HELQ: variants seen among roughly 807,000 people sequenced by gnomAD.
HELQ encodes the protein helicase, POLQ like.
A neutral mutation model predicts 111.6 loss-of-function variants in HELQ; 77 were observed. The ratio of observed to expected loss-of-function variants is 0.69; its 90% CI spans 0.57 to 0.83. The LOEUF is 0.83. Among genes scored for constraint, HELQ ranks in the 40% least tolerant of loss-of-function variants. The probability of loss-of-function intolerance (pLI) is 0.00; values close to 1 mark genes in which losing one functional copy is unlikely to be tolerated. For missense variants in HELQ, 1,200 were observed against 1,288.5 expected (o/e 0.93, Z 1.05); for synonymous variants, 438 against 454.7 (o/e 0.96, Z 0.47).
intron 1 of HELQ, among the ~76,000 whole-genome samples, chr4:83,454,572 G>C (rs1036955478): frequency 2.6e-5 from 4 of 151,220 alleles, no homozygotes; most frequent in African/African-American, 9.8e-5. Context: ...ACCACACCCG[G>C]CTAATTAAGA....
intron 11 of HELQ, among the ~76,000 whole-genome samples, chr4:83,430,653 C>T (rs758172709): frequency 1.8e-4 from 27 of 152,032 alleles, no homozygotes; most frequent in Admixed American, 6.5e-4. Context: ...AAATTTAAGT[C>T]GTAATTTCAT....
intron 5 of HELQ, among the ~76,000 whole-genome samples, chr4:83,445,010 A>ATG: frequency 1.3e-5 from 2 of 152,202 alleles, no homozygotes; most frequent in African/African-American, 4.8e-5. Flanking sequence ...TACTGAACTA[A>ATG]AGACTTAGTG....
chr4:83,430,919 C>T (rs1162342922), intron 11 of HELQ, among the ~76,000 whole-genome samples: 1 of 151,930 alleles, frequency 6.6e-6, no homozygotes, highest in South Asian at 2.1e-4. Flanking sequence ...TTACTTGATC[C>T]CTCTATCTAC....
At chr4:83,434,272 G>C (rs1720326515) in intron 9 of HELQ, among the ~76,000 whole-genome samples, 1 of 152,012 alleles carries the variant, frequency 6.6e-6, no homozygotes, top group Non-Finnish European at 1.5e-5. Flanking sequence ...TTGGGAGGCT[G>C]AGGCAGGAGA....
intron 13 of HELQ, 113 bp downstream of exon 13, chr4:83,427,450 T>C: frequency 1.2e-6 from 1 of 824,376 alleles, no homozygotes; most frequent in Non-Finnish European, 1.8e-6. Context: ...AGCCTAGGAG[T>C]TTGAGACCAG....
At chr4:83,415,128 C>T (rs7660537) in intron 17 of HELQ, among the ~76,000 whole-genome samples, 14,289 of 152,118 alleles carry the variant, frequency 0.094, 2,232 homozygotes, top group African/African-American at 0.33. Flanking sequence ...GACTTAGAAC[C>T]ACAGTTGAGA....
chr4:83,407,680 T>C (rs1553925000), intron 17 of HELQ, 120 bp from the exon 18 acceptor site: 3 of 633,476 alleles, frequency 4.7e-6, no homozygotes, highest in Non-Finnish European at 8.3e-6. Context: ...ACATTAAAAC[T>C]ATAATGAGAT....
chr4:83,454,075 G>A, intron 1 of HELQ, 130 bp from the exon 2 acceptor site: 1 of 661,022 alleles, frequency 1.5e-6, no homozygotes, highest in East Asian at 2.6e-5. Context: ...ATAGTGGCAT[G>A]CTCCTGTAAT....
Position 83,455,780 on chromosome 4 carries a change from C to G in HELQ, c.-87G>C, listed in dbSNP as rs923306500. Reference sequence around the variant, plus strand: ...GGAAGGGAGAGTGGGACGCCGGAGCCCGCTTCTACATCCACCTTGGGAAAA... The same window carrying G: ...GGAAGGGAGAGTGGGACGCCGGAGCGCGCTTCTACATCCACCTTGGGAAAA... On this transcript the variant is annotated 5_prime_UTR_variant, in exon 1 of 18. Transcript: ENST00000295488. 1.6e-5 allele frequency: 21 copies of G among 1,315,108 alleles called. No homozygotes were observed. The Admixed American group carries it at 4.0e-4, about 25-fold the overall frequency. The allele number at this position is 1,315,108 out of a possible 1,614,324, so 81.5% of individuals were successfully genotyped here. A position where few individuals can be genotyped will look rare whatever the true frequency, so the allele number is the denominator to read the frequency against.
chr4:83,414,592 G>T (rs906948492), intron 17 of HELQ, among the ~76,000 whole-genome samples: 2 of 152,064 alleles, frequency 1.3e-5, no homozygotes, highest in African/African-American at 4.8e-5. Context: ...CCAAATCTGA[G>T]GCCATTTGAG....
At chr4:83,429,048 T>G (rs978653583) in intron 12 of HELQ, among the ~76,000 whole-genome samples, 9 of 148,472 alleles carry the variant, frequency 6.1e-5, no homozygotes, top group African/African-American at 2.4e-4. Context: ...ATTCAAAACA[T>G]TTTTCAACTT....
chr4:83,455,157 G>T, intron 1 of HELQ: 1 of 641,770 alleles, frequency 1.6e-6, no homozygotes, highest in South Asian at 2.3e-5. Context: ...TTATCTGGAA[G>T]CCTAGATTTG....
chr4:83,439,714 T>G (rs1322963476), intron 8 of HELQ, 149 bp downstream of exon 8: 1 of 564,048 alleles, frequency 1.8e-6, no homozygotes, highest in East Asian at 3.2e-5. Context: ...AGTTAAAATT[T>G]CTTTCTTCAA....
At chr4:83,421,539 A>C in intron 15 of HELQ, 24 bp downstream of exon 15, 1 of 1,581,870 alleles carries the variant, frequency 6.3e-7, no homozygotes. Context: ...CACAAAGTAC[A>C]TATCATATAT....
chr4:83,427,398 T>C (rs1386841898), intron 13 of HELQ, among the ~76,000 whole-genome samples, 165 bp downstream of exon 13: 1 of 152,232 alleles, frequency 6.6e-6, no homozygotes, highest in Admixed American at 6.5e-5. Flanking sequence ...CTTACACTTG[T>C]AATCCTAGCA....
At chr4:83,454,212 AAAAC>A (rs528415712) in intron 1 of HELQ, among the ~76,000 whole-genome samples, 41 of 152,278 alleles carry the variant, frequency 2.7e-4, no homozygotes, top group African/African-American at 5.1e-4. Flanking sequence ...CAAAAAAACC[AAAAC>A]AAACAAACAA....
intron 10 of HELQ, 33 bp from the exon 11 acceptor site, chr4:83,431,801 T>A (rs377648924): frequency 2.3e-5 from 21 of 895,038 alleles, no homozygotes; most frequent in Middle Eastern, 2.6e-4. Context: ...ATGCCTTGTG[T>A]TATTATTAAA....
intron 8 of HELQ, among the ~76,000 whole-genome samples, chr4:83,438,418 C>T (rs967857469): frequency 6.6e-6 from 1 of 152,112 alleles, no homozygotes; most frequent in Non-Finnish European, 1.5e-5. Flanking sequence ...ATCCAAATGT[C>T]CATACAACTA....
chr4:83,425,632 C>G (rs576748429), intron 14 of HELQ, among the ~76,000 whole-genome samples: 1 of 151,968 alleles, frequency 6.6e-6, no homozygotes, highest in African/African-American at 2.4e-5. Flanking sequence ...AACAAAAAAC[C>G]CAGACCTGTC....
Sources: allele counts gnomAD v4.1 joint callset (sites outside exome capture counted in the v4.1 genomes callset), GRCh38; gene constraint gnomAD v4.1.1; transcripts MANE v1.5; gene names NCBI Gene and HGNC (gene_info 2026-07-23, HGNC 2026-07-21).